The following AGAP2 variants were observed in gnomAD, a reference collection of about 807,000 sequenced individuals.
AGAP2 encodes the protein arf-GAP with GTPase, ANK repeat and PH domain-containing protein 2.
Under a neutral mutation model 110.9 loss-of-function variants are expected in AGAP2, and 32 were observed. The ratio of observed to expected loss-of-function variants is 0.29; its 90% confidence interval spans 0.22 to 0.39. The LOEUF is 0.39. Ranked by LOEUF, AGAP2 falls within the 10% of genes least tolerant of loss-of-function variation. AGAP2 has a pLI of 1.00. For missense variants in AGAP2, 1,285 were observed against 1,638.5 expected, an observed-to-expected ratio of 0.78 and a Z score of 3.72; for synonymous variants, 702 against 713.0, an observed-to-expected ratio of 0.98 and a Z score of 0.25.
chr12:57,732,030 T>C (rs1345018729), intron 7 of AGAP2, 63 bp from the exon 8 acceptor site: 1 of 1,547,112 alleles, frequency 6.5e-7, no homozygotes, highest in Non-Finnish European at 8.7e-7. Flanking sequence ...GCTACACTCA[T>C]ATCTCGTTAT....
At chr12:57,736,649 C>T (rs1426854669) in intron 1 of AGAP2, among the ~76,000 whole-genome samples, 3 of 152,248 alleles carry the variant, frequency 2.0e-5, no homozygotes, top group African/African-American at 7.2e-5. Context: ...TGCAAGGTCA[C>T]TGTCATGCCA....
Position 57,737,834 on chromosome 12 carries a change from G to A in AGAP2, c.413C>T (p.Thr138Ile). 6.8e-7 allele frequency: 1 copy of A among 1,479,566 alleles called. No homozygotes were observed. 91.7% of individuals were successfully genotyped at this position (1,479,566 alleles called of 1,614,324 possible). A position where few individuals can be genotyped will look rare whatever the true frequency, so the allele number is the denominator to read the frequency against. The change falls in exon 1 of 19, where the codon ACC becomes ATC. Residue 138 changes from threonine (T) to isoleucine (I), a missense_variant. Thr to Ile is a moderately conservative substitution (Grantham distance 89, BLOSUM62 -1). Coordinates refer to ENST00000547588, the MANE Select transcript of AGAP2 (RefSeq NM_001122772.3). The surrounding 1 kb of genome is among the most constrained non-coding windows in gnomAD (Gnocchi z 5.9). ...SPDPKPGGAP[T>I]SSRRPLLSSP... ...GCTGAGCAGGGGGCGCCGGGAGGAG[G>A]TGGGGGCGCCCCCAGGCTTGGGGTC...
chr12:57,732,873 C>A lies in AGAP2; in HGVS notation c.1656G>T (p.Gly552=), dbSNP rs545156621. 9.3e-6 allele frequency: 15 copies of A among 1,614,014 alleles called. No homozygotes were observed. In the African/African-American group the frequency reaches 1.7e-4, roughly 19 times the overall value. ...CSYYETCATY[G]LNVDRVFQEV... ...CCTGGAAGACCCGATCCACATTGAG[C>A]CCATAGGTTGCACAAGTCTCATAGT... The change falls in exon 6 of 19, where the codon GGG becomes GGT. Residue 552 remains glycine (G), a synonymous_variant. Coordinates refer to ENST00000547588, the MANE Select transcript of AGAP2 (RefSeq NM_001122772.3).
upstream of AGAP2, chr12:57,741,811 T>C: frequency 7.2e-7 from 1 of 1,385,374 alleles, no homozygotes; most frequent in Non-Finnish European, 1.0e-6. Flanking sequence ...TCTTGGGGAC[T>C]AGGAAGTAGC....
chr12:57,730,232 A>G (rs1295777642), intron 12 of AGAP2, among the ~76,000 whole-genome samples: 1 of 152,184 alleles, frequency 6.6e-6, no homozygotes, highest in African/African-American at 2.4e-5. Context: ...TCTCCATGTT[A>G]CAGATGAGGA....
At chr12:57,728,444 A>G in intron 13 of AGAP2, 67 bp from the exon 14 acceptor site, 1 of 1,534,460 alleles carries the variant, frequency 6.5e-7, no homozygotes, top group South Asian at 1.1e-5. Context: ...GAGACCAAGA[A>G]AGAAGGAGAA....
At chr12:57,733,283 G>A (rs1334097229) in intron 5 of AGAP2, among the ~76,000 whole-genome samples, 4 of 152,094 alleles carry the variant, frequency 2.6e-5, no homozygotes, top group African/African-American at 4.8e-5. Context: ...AGACCCAGGC[G>A]CGAGCGACAA....
At chr12:57,739,404 G>A (rs1226202026), upstream of AGAP2, among the ~76,000 whole-genome samples, 1 of 152,098 alleles carries the variant, frequency 6.6e-6, no homozygotes, top group Non-Finnish European at 1.5e-5. Context: ...CTTTGACGGG[G>A]CCAAGACTTG....
In AGAP2 at chr12:57,734,343, C is replaced by A; in HGVS notation, c.1377G>T (p.Glu459Asp). 1 of 1,614,230 alleles carries A rather than the reference C, an allele frequency of 6.2e-7. No individual in the cohort carries two copies. The highest frequency in any genetic ancestry group is 2.2e-5 in the East Asian group (1 of 44,884). Residue 459 changes from glutamate (E) to aspartate (D), a missense_variant, in exon 4 of 19, where the codon GAG (glutamate) becomes GAT (aspartate). Glu to Asp is a conservative substitution (Grantham distance 45). Transcript: ENST00000547588. ...CCTTGGCATCAGGTGCCCCAGCTTC[C>A]TCTCGGATTAGCACCAGATGTGTCT... ...DGQTHLVLIR[E>D]EAGAPDAKFS...
chr12:57,737,831 G>A lies in AGAP2; in HGVS notation c.416C>T (p.Ser139Phe), dbSNP rs1310290493. 6.7e-7 allele frequency: 1 copy of A among 1,484,750 alleles called. No individual in the cohort carries two copies. Among genetic ancestry groups the A allele is most frequent in the Non-Finnish European group, 8.9e-7 (1 of 1,129,174 alleles). The allele number at this position is 1,484,750 out of a possible 1,614,324, so 92.0% of individuals were successfully genotyped here. A position where few individuals can be genotyped will look rare whatever the true frequency, so the allele number is the denominator to read the frequency against. Residue 139 changes from serine to phenylalanine, a missense_variant, in exon 1 of 19, where the codon TCC (serine) becomes TTC (phenylalanine). By Grantham distance (155) the Ser-to-Phe change is radical (BLOSUM62 -2). This residue lies in a region of AGAP2 where 844 missense variants were observed against 941.2 expected (regional missense o/e 0.90). Coordinates refer to ENST00000547588, the MANE Select transcript of AGAP2 (RefSeq NM_001122772.3). The surrounding 1 kb of genome is among the most constrained non-coding windows in gnomAD (Gnocchi z 5.9). ...PDPKPGGAPTSSRRPLLSSPS... is the reference protein window; with the variant it reads ...PDPKPGGAPTFSRRPLLSSPS... The stretch of plus-strand genomic sequence containing the variant: ...GCTGCTGAGCAGGGGGCGCCGGGAG[G>A]AGGTGGGGGCGCCCCCAGGCTTGGG...
Position 57,727,673 on chromosome 12 carries a change from G to C in AGAP2, c.2857+8C>G. On this transcript the variant is annotated splice_region_variant and intron_variant, in intron 16 of 18. Coordinates refer to ENST00000547588, the MANE Select transcript of AGAP2 (RefSeq NM_001122772.3). ...TCCCTAGCCCCTCCGCTGCCTCCTG[G>C]CACTCACTGGGGGCCCCGCAGTCCA... 3.7e-6 allele frequency: 6 copies of C among 1,603,256 alleles called. No homozygotes were observed. The highest frequency in any genetic ancestry group is 5.1e-6 in the Non-Finnish European group (6 of 1,175,348).
upstream of AGAP2, among the ~76,000 whole-genome samples, chr12:57,741,431 T>C (rs982327920): frequency 3.3e-5 from 5 of 152,110 alleles, no homozygotes; most frequent in African/African-American, 1.2e-4. Context: ...ATTCTCTGCA[T>C]GGTGTACTTC....
upstream of AGAP2, among the ~76,000 whole-genome samples, chr12:57,738,939 C>A (rs1014781835): frequency 6.6e-6 from 1 of 152,018 alleles, no homozygotes; most frequent in African/African-American, 2.4e-5. This position sits in a 1 kb window ranked among gnomAD's most constrained non-coding sequence, Gnocchi z 6.7. Context: ...CGGATGCGCG[C>A]TGTGTCCGGG....
In AGAP2 at chr12:57,726,757, C is replaced by A; in HGVS notation, c.3374G>T (p.Arg1125Leu). ...CTGGCGGGCGTAGAACAGCGCCGTG[C>A]GGCCCTGGGCGTCACGGGCCGCCAC... ...ADVAARDAQGRTALFYARQAG... is the reference protein window; with the variant it reads ...ADVAARDAQGLTALFYARQAG... The change falls in exon 19 of 19, where the codon CGC (arginine) becomes CTC (leucine). Residue 1125 changes from arginine to leucine, a missense_variant. Transcript: ENST00000547588. The surrounding 1 kb of genome is among the most constrained non-coding windows in gnomAD (Gnocchi z 5.7). 1 of 1,338,010 alleles carries A rather than the reference C, an allele frequency of 7.5e-7. No homozygotes were observed. Among genetic ancestry groups the A allele is most frequent in the Non-Finnish European group, 9.5e-7 (1 of 1,048,360 alleles). 82.9% of individuals were successfully genotyped at this position (1,338,010 alleles called of 1,614,324 possible).
upstream of AGAP2, chr12:57,739,701 C>G (rs1019863309): frequency 1.3e-5 from 2 of 152,226 alleles, no homozygotes; most frequent in Non-Finnish European, 2.9e-5. Context: ...GGTAGGGGAC[C>G]AACCGCGGGA....
At chr12:57,728,727 A>C (rs1203407551) in intron 13 of AGAP2, among the ~76,000 whole-genome samples, 1 of 151,962 alleles carries the variant, frequency 6.6e-6, no homozygotes, top group Admixed American at 6.6e-5. Flanking sequence ...ACACGGGGGA[A>C]GGGGACAGAA....
rs1192971001 is a variant in AGAP2, at chr12:57,730,251, C to T, written c.2428+244G>A. On this transcript the variant is annotated intron_variant, in intron 12 of 18. Transcript: ENST00000547588. ...CATGTTACAGATGAGGAAACTGAGG[C>T]ACGGAGAGGTCAAGTAACTTGCCCA... The T allele has an allele frequency of 1.5e-5, 8 of 547,510 alleles. No individual in the cohort carries two copies. In the South Asian group the frequency reaches 1.8e-4, roughly 12 times the overall value. The allele number at this position is 547,510 out of a possible 1,614,324, so 33.9% of individuals were successfully genotyped here.
In AGAP2 at chr12:57,738,105, C is replaced by T. The variant is rs1028974160; in HGVS notation, c.142G>A (p.Glu48Lys). 1.2e-5 allele frequency: 19 copies of T among 1,522,798 alleles called. No individual in the cohort carries two copies. In the African/African-American group the frequency reaches 2.5e-4, roughly 20 times the overall value. The allele number at this position is 1,522,798 out of a possible 1,614,324, so 94.3% of individuals were successfully genotyped here. A position where few individuals can be genotyped will look rare whatever the true frequency, so the allele number is the denominator to read the frequency against. ...CGGGGGCTGCCAGGATCCCCAGTCT[C>T]GGAGCCTCTGGCACCGGCGGCGCCG... ...AAGAAGARGS[E>K]TGDPGSPRGA... Residue 48 changes from glutamate (E) to lysine (K), a missense_variant, in exon 1 of 19, where the codon GAG becomes AAG. This residue lies in a region of AGAP2 where 844 missense variants were observed against 941.2 expected (regional missense o/e 0.90). Coordinates refer to ENST00000547588, the MANE Select transcript of AGAP2 (RefSeq NM_001122772.3). The surrounding 1 kb of genome is among the most constrained non-coding windows in gnomAD (Gnocchi z 6.7).
At chr12:57,732,821 T>A in intron 6 of AGAP2, 24 bp downstream of exon 6, 1 of 1,613,238 alleles carries the variant, frequency 6.2e-7, no homozygotes, top group South Asian at 1.1e-5. Context: ...GCTTCCCACA[T>A]ATGCTGGAGA....
Sources: gnomAD v4.1 joint callset for allele counts (sites outside exome capture counted in the v4.1 genomes callset) on GRCh38, gnomAD v4.1.1 for gene constraint, gnomAD v4.1.1 regional missense constraint, Gnocchi (gnomAD v3.1) non-coding constraint, MANE v1.5 for transcripts, NCBI Gene and HGNC (gene_info 2026-07-23, HGNC 2026-07-21) for gene names.